ADGRG4: variants seen among roughly 807,000 people sequenced by gnomAD.
The protein encoded by ADGRG4 is G protein-coupled receptor 112.
A neutral mutation model predicts 126.2 loss-of-function variants in ADGRG4; 122 were observed. That is an observed-to-expected ratio of 0.97 (90% CI 0.83 to 1.12). The LOEUF (loss-of-function observed/expected upper bound fraction) is 1.12, where lower values mean the gene tolerates loss of function less well. ADGRG4 is among the 50% of genes most tolerant of loss of function. The pLI, the probability that ADGRG4 is intolerant of heterozygous loss-of-function variation, is 0.00. For missense variants in ADGRG4, 2,481 were observed against 2,251.8 expected (o/e 1.10, Z -2.06); for synonymous variants, 943 against 838.7 (o/e 1.12, Z -2.15).
chrX:136,308,328 G>T (rs1213287449), intron 3 of ADGRG4, among the ~76,000 whole-genome samples: 1 of 111,548 alleles, frequency 9.0e-6, no homozygotes, highest in African/African-American at 3.3e-5. Flanking sequence ...CAGGCTGGTT[G>T]CAAACTCCTG....
rs370987959 is a variant in ADGRG4 at position 136,347,002 on chromosome X, C to T, written c.3296C>T (p.Thr1099Ile). The change falls in exon 6 of 26, where the codon ACA becomes ATA. Residue 1099 changes from threonine (T) to isoleucine (I), a missense_variant. Physicochemically the swap from Thr to Ile is moderately conservative, Grantham distance 89 (BLOSUM62 -1). Transcript: ENST00000394143. ...SEATVISVRK[T>I]SMAVPSLTET... The stretch of plus-strand genomic sequence containing the variant: ...GCCACGGTAATCTCTGTCAGGAAGA[C>T]ATCCATGGCAGTTCCTTCTCTGACA... 8.3e-7 allele frequency: 1 copy of T among 1,209,628 alleles called. No individual in the cohort carries two copies. Among genetic ancestry groups the T allele is most frequent in the South Asian group, 1.8e-5 (1 of 56,939 alleles).
At chrX:136,333,767 C>T (rs1229531466) in intron 5 of ADGRG4, among the ~76,000 whole-genome samples, 1 of 111,885 alleles carries the variant, frequency 8.9e-6, no homozygotes, top group Non-Finnish European at 1.9e-5. Flanking sequence ...CTCCACCTGC[C>T]TTGGCCTACC....
At position 136,347,720 on chromosome X, in the gene ADGRG4, G is replaced by C. The variant is rs1417321473; in HGVS notation, c.4014G>C (p.Gln1338His). The change falls in exon 6 of 26, where the codon CAG becomes CAC. Residue 1338 changes from glutamine to histidine, a missense_variant. Coordinates refer to ENST00000394143, the MANE Select transcript of ADGRG4 (RefSeq NM_153834.4). ...LASSPTSGST[Q>H]ITPTLTSSNT... The stretch of plus-strand genomic sequence containing the variant: ...CATCTCCCACTTCTGGAAGCACACA[G>C]ATTACACCAACCTTGACCTCAAGTA... 8.3e-7 allele frequency: 1 copy of C among 1,210,522 alleles called. No individual in the cohort carries two copies. Among genetic ancestry groups the C allele is most frequent in the Non-Finnish European group, 1.1e-6 (1 of 894,518 alleles).
intron 5 of ADGRG4, among the ~76,000 whole-genome samples, chrX:136,336,603 T>C (rs1228169378): frequency 1.8e-5 from 2 of 111,847 alleles, no homozygotes; most frequent in African/African-American, 6.5e-5. Context: ...TGTCCTTTCT[T>C]GAGTCCAGTA....
rs758043180 is a variant in ADGRG4 at position 136,346,904 on chromosome X, T to A, written c.3198T>A (p.Pro1066=). 1 of 1,209,313 alleles carries A rather than the reference T, an allele frequency of 8.3e-7. No homozygotes were observed. Among genetic ancestry groups the A allele is most frequent in the African/African-American group, 1.8e-5 (1 of 57,118 alleles). The change falls in exon 6 of 26, where the codon CCT becomes CCA. Residue 1066 remains proline, a synonymous_variant. Coordinates refer to ENST00000394143, the MANE Select transcript of ADGRG4 (RefSeq NM_153834.4). ...STTMTTALVP[P]LDQTASTTIV... Reference sequence around the variant, plus strand: ...CAATGACCACAGCATTGGTACCACCTTTGGATCAGACTGCTTCCACAACCA... The same window carrying A: ...CAATGACCACAGCATTGGTACCACCATTGGATCAGACTGCTTCCACAACCA...
At chrX:136,371,267 C>A in intron 13 of ADGRG4, 61 bp from the exon 14 acceptor site, 1 of 765,539 alleles carries the variant, frequency 1.3e-6, no homozygotes, top group Non-Finnish European at 1.9e-6. Context: ...GGGAAAGAAG[C>A]ACACCAGAAT....
In ADGRG4 at chrX:136,326,349, G is replaced by A. The variant is rs1440626164; in HGVS notation, c.685+2957G>A. On this transcript the variant is annotated intron_variant, in intron 5 of 25. Coordinates refer to ENST00000394143, the MANE Select transcript of ADGRG4 (RefSeq NM_153834.4). ...TATGGTAATTGGTGCCTTTTACTAA[G>A]TTCTTACCGTGTGCCAGGCATTTTA... Among the ~76,000 whole-genome samples, 3 of 111,938 alleles carry A rather than the reference G, an allele frequency of 2.7e-5. No individual in the cohort carries two copies. The Admixed American group carries it at 2.8e-4, about 11-fold the overall frequency.
chrX:136,390,650 T>G (rs995503706), intron 16 of ADGRG4, among the ~76,000 whole-genome samples: 3 of 111,201 alleles, frequency 2.7e-5, no homozygotes, highest in Non-Finnish European at 3.8e-5. Flanking sequence ...AGTTCAGAGG[T>G]GTAACAGATA....
chrX:136,397,799 T>C, intron 19 of ADGRG4, 82 bp from the exon 20 acceptor site: 1 of 972,713 alleles, frequency 1.0e-6, no homozygotes, highest in Non-Finnish European at 1.4e-6. Context: ...TCCTGGGAAC[T>C]TCCTGTTAGT....
chrX:136,345,234 C>T lies in ADGRG4; in HGVS notation c.1528C>T (p.Pro510Ser), dbSNP rs775821351. ...IAFTVHSLTL[P>S]TRLIETTPAP... is the part of the protein sequence containing the mutation. The stretch of plus-strand genomic sequence containing the variant: ...ATTTACAGTCCATTCATTGACTCTC[C>T]CAACTAGGCTTATTGAGACCACACC... Residue 510 changes from proline (P) to serine (S), a missense_variant, in exon 6 of 26, where the codon CCA becomes TCA. Transcript: ENST00000394143. 2.0e-5 allele frequency: 24 copies of T among 1,209,051 alleles called. No individual in the cohort carries two copies. The highest frequency in any genetic ancestry group is 2.7e-5 in the Non-Finnish European group (24 of 894,349).
Position 136,346,744 on chromosome X carries a change from A to G in ADGRG4, c.3038A>G (p.His1013Arg). Reference sequence around the variant, plus strand: ...TCAGCAACCCCTGTGCCTGTTACTCATATGTTCTCATTGCCAGTTAATGGC... The same window carrying G: ...TCAGCAACCCCTGTGCCTGTTACTCGTATGTTCTCATTGCCAGTTAATGGC... Reference protein sequence around the residue: ...HSSATPVPVTHMFSLPVNGSS... With the variant: ...HSSATPVPVTRMFSLPVNGSS... Residue 1013 changes from histidine to arginine, a missense_variant, in exon 6 of 26, where the codon CAT becomes CGT. Physicochemically the swap from His to Arg is conservative, Grantham distance 29. Transcript: ENST00000394143. 1.7e-6 allele frequency: 2 copies of G among 1,210,404 alleles called. No homozygotes were observed. The highest frequency in any genetic ancestry group is 2.2e-6 in the Non-Finnish European group (2 of 894,563).
At position 136,348,300 on chromosome X, in the gene ADGRG4, C is replaced by T. The variant is rs2075033878; in HGVS notation, c.4594C>T (p.Pro1532Ser). The change falls in exon 6 of 26, where the codon CCC becomes TCC. Residue 1532 changes from proline to serine, a missense_variant. By Grantham distance (74) the Pro-to-Ser change is moderately conservative. Transcript: ENST00000394143. ...CACCTCCAAAAAAGTTTCTGACACT[C>T]CCCCAATAGTGATAACTAAATCTTC... ...AFTSKKVSDT[P>S]PIVITKSSKT... The T allele has an allele frequency of 1.7e-6, 2 of 1,208,253 alleles. No homozygotes were observed. The highest frequency in any genetic ancestry group is 3.5e-5 in the South Asian group (2 of 56,829).
chrX:136,336,744 A>T (rs1031308260), intron 5 of ADGRG4, among the ~76,000 whole-genome samples: 18 of 112,111 alleles, frequency 1.6e-4, no homozygotes, highest in Non-Finnish European at 3.2e-4. Flanking sequence ...TTCAAAGTAC[A>T]TTCTTTTGTG....
Position 136,399,897 on chromosome X carries a change from G to A in ADGRG4, c.8356G>A (p.Ala2786Thr), listed in dbSNP as rs748106558. Residue 2786 changes from alanine to threonine, a missense_variant, in exon 21 of 26, where the codon GCA becomes ACA. Physicochemically the swap from Ala to Thr is moderately conservative, Grantham distance 58. Coordinates refer to ENST00000394143, the MANE Select transcript of ADGRG4 (RefSeq NM_153834.4). ...CAAAATTCTGATCAACCTGTGCACA[G>A]CACTACTGATGCTAAACCTGGTATT... The part of the protein sequence containing the change: ...PAKILINLCT[A>T]LLMLNLVFLI... 8.3e-6 allele frequency: 10 copies of A among 1,206,357 alleles called. No homozygotes were observed. The highest frequency in any genetic ancestry group is 1.1e-5 in the Non-Finnish European group (10 of 892,399).
At position 136,345,271 on chromosome X, in the gene ADGRG4, C is replaced by G; in HGVS notation, c.1565C>G (p.Thr522Arg). Residue 522 changes from threonine to arginine, a missense_variant, in exon 6 of 26, where the codon ACA (threonine) becomes AGA (arginine). By Grantham distance (71) the Thr-to-Arg change is moderately conservative. Transcript: ENST00000394143. ...ATTGAGACCACACCTGCCCCAAGGA[C>G]AGCTGAAACAGAATTGACATCTACA... ...RLIETTPAPR[T>R]AETELTSTNF... The G allele has an allele frequency of 1.7e-6, 2 of 1,210,900 alleles. No individual in the cohort carries two copies. The highest frequency in any genetic ancestry group is 2.2e-6 in the Non-Finnish European group (2 of 894,852).
chrX:136,393,885 G>T (rs752638185), intron 18 of ADGRG4, among the ~76,000 whole-genome samples: 68 of 111,725 alleles, frequency 6.1e-4, no homozygotes, highest in African/African-American at 2.1e-3. Context: ...AGTATCTTAG[G>T]CCCCAAAAAT....
chrX:136,381,528 C>G (rs1298527380), intron 15 of ADGRG4, among the ~76,000 whole-genome samples: 2 of 111,643 alleles, frequency 1.8e-5, no homozygotes, highest in Non-Finnish European at 3.8e-5. Context: ...CCCACCAAGC[C>G]TGAGATATCT....
In ADGRG4 at chrX:136,389,569, C is replaced by T. The variant is rs374695379; in HGVS notation, c.7911+1695C>T. On this transcript the variant is annotated intron_variant, in intron 16 of 25. Transcript: ENST00000394143. ...GCTTCAAATTCAGAGTTGAAAGGGC[C>T]CTCCTAACTCATATCATCCCATCTA... 9.9e-5 allele frequency among the ~76,000 whole-genome samples: 11 copies of T among 111,600 alleles called. No homozygotes were observed. In the East Asian group the frequency reaches 2.5e-3, roughly 26 times the overall value.
intron 23 of ADGRG4, among the ~76,000 whole-genome samples, chrX:136,410,675 G>GT (rs2075441120): frequency 8.9e-6 from 1 of 111,878 alleles, no homozygotes; most frequent in African/African-American, 3.3e-5. Flanking sequence ...GTGCGAGTTT[G>GT]TGTATCAAGT....
Sources: allele counts gnomAD v4.1 joint callset (sites outside exome capture counted in the v4.1 genomes callset), GRCh38; gene constraint gnomAD v4.1.1; transcripts MANE v1.5; gene names NCBI Gene and HGNC (gene_info 2026-07-23, HGNC 2026-07-21).